ZZZ3: variants seen among roughly 807,000 people sequenced by gnomAD.
ZZZ3 encodes zinc finger ZZ-type containing 3.
In ZZZ3, 22 loss-of-function variants were observed where a neutral mutation model predicts 95.2. The ratio of observed to expected loss-of-function variants is 0.23; its 90% CI spans 0.17 to 0.33. The LOEUF (loss-of-function observed/expected upper bound fraction) is 0.33. ZZZ3 is among the 10% of genes least tolerant of loss of function. The pLI is 1.00. For missense variants in ZZZ3, 885 were observed against 1,066.5 expected, an observed-to-expected ratio of 0.83 and a Z score of 2.37; for synonymous variants, 335 against 358.9, an observed-to-expected ratio of 0.93 and a Z score of 0.75.
intron 1 of ZZZ3, among the ~76,000 whole-genome samples, chr1:77,667,305 T>C (rs559632901): frequency 1.3e-5 from 2 of 152,332 alleles, no homozygotes; most frequent in African/African-American, 4.8e-5. Context: ...AGCTCTAAAT[T>C]TCTTTAATGA....
At chr1:77,659,214 A>G (rs1423119140) in intron 1 of ZZZ3, among the ~76,000 whole-genome samples, 1 of 152,050 alleles carries the variant, frequency 6.6e-6, no homozygotes, top group Non-Finnish European at 1.5e-5. Context: ...ATCATACTTT[A>G]CATAGAAGAC....
At chr1:77,596,049 T>C (rs1664184161) in intron 5 of ZZZ3, among the ~76,000 whole-genome samples, 1 of 152,060 alleles carries the variant, frequency 6.6e-6, no homozygotes, top group South Asian at 2.1e-4. Context: ...ATTTCTGTTA[T>C]AACAAACAAT....
At chr1:77,682,560 C>T (rs1355999322) in intron 1 of ZZZ3, 25 bp downstream of exon 1, 1 of 152,380 alleles carries the variant, frequency 6.6e-6, no homozygotes, top group Non-Finnish European at 1.5e-5. Flanking sequence ...AGGCACTCGC[C>T]CCGGGCCCCT....
rs765623565 is a variant in ZZZ3 at position 77,578,882 on chromosome 1, GACAAGTCTCTTAACACAATGAGATGACAT to G, written c.2083-42_2083-14del. On this transcript the variant is annotated splice_polypyrimidine_tract_variant and intron_variant, in intron 10 of 14. Transcript: ENST00000370801. The stretch of plus-strand genomic sequence containing the variant: ...CTCGGCTGGCAACCTAAGGAAACAT[GACAAGTCTCTTAACACAATGAGATGACAT>G]ACAATACCTGAGTCGTTTTTAAAAA... The G allele has an allele frequency of 2.4e-4, 359 of 1,526,068 alleles. No homozygotes were observed. Among genetic ancestry groups the G allele is most frequent in the Non-Finnish European group, 3.0e-4 (343 of 1,138,752 alleles). 94.5% of individuals were successfully genotyped at this position (1,526,068 alleles called of 1,614,324 possible).
chr1:77,681,306 A>AG, intron 1 of ZZZ3, among the ~76,000 whole-genome samples: 1 of 152,286 alleles, frequency 6.6e-6, no homozygotes, highest in South Asian at 2.1e-4. Context: ...TATTATGTAT[A>AG]GGAAAAAAAA....
chr1:77,676,233 C>T (rs1244832118), intron 1 of ZZZ3, among the ~76,000 whole-genome samples: 1 of 152,116 alleles, frequency 6.6e-6, no homozygotes, highest in Non-Finnish European at 1.5e-5. Flanking sequence ...GGGGCGCAAT[C>T]TGGGCTCATT....
intron 1 of ZZZ3, among the ~76,000 whole-genome samples, chr1:77,647,293 C>G (rs1669370104): frequency 6.6e-6 from 1 of 152,098 alleles, no homozygotes; most frequent in South Asian, 2.1e-4. Context: ...CCAAGGCAGG[C>G]AGATCACTTG....
chr1:77,641,621 T>G lies in ZZZ3; in HGVS notation c.-368A>C. The G allele has an allele frequency of 2.5e-6, 1 of 398,196 alleles. No individual in the cohort carries two copies. Among genetic ancestry groups the G allele is most frequent in the Non-Finnish European group, 4.4e-6 (1 of 225,796 alleles). The allele number at this position is 398,196 out of a possible 1,614,324, so 24.7% of individuals were successfully genotyped here. A position where few individuals can be genotyped will look rare whatever the true frequency, so the allele number is the denominator to read the frequency against. ...TGTTACACTGAGACTTCAGGTATTA[T>G]TTATTTATATGGTTGTACTAGAATA... On this transcript the variant is annotated 5_prime_UTR_variant, in exon 2 of 15. Transcript: ENST00000370801.
Position 77,633,251 on chromosome 1 carries a change from T to C in ZZZ3, c.104A>G (p.His35Arg), listed in dbSNP as rs1667983417. Residue 35 changes from histidine (H) to arginine (R), a missense_variant, in exon 5 of 15, where the codon CAT becomes CGT. Physicochemically the swap from His to Arg is conservative, Grantham distance 29 (BLOSUM62 0). Around this residue, in one of 5 missense-constraint regions of ZZZ3, gnomAD observed 556 missense variants for 652.9 expected, o/e 0.85. Transcript: ENST00000370801. ...GRTLRNRSIA[H>R]PEEISSNSQV... ...AGAATTAGAAGAGATTTCTTCAGGATGCGCAATGCTACGATTCCTTAAAGT... is the reference window on the plus strand; with the variant it reads ...AGAATTAGAAGAGATTTCTTCAGGACGCGCAATGCTACGATTCCTTAAAGT... The C allele has an allele frequency of 6.2e-7, 1 of 1,614,028 alleles. No individual in the cohort carries two copies. Among genetic ancestry groups the C allele is most frequent in the Non-Finnish European group, 8.5e-7 (1 of 1,180,006 alleles).
At chr1:77,634,939 C>G (rs968330077) in intron 4 of ZZZ3, among the ~76,000 whole-genome samples, 1 of 152,110 alleles carries the variant, frequency 6.6e-6, no homozygotes, top group African/African-American at 2.4e-5. Context: ...GAGAAAGAGG[C>G]CAGTGGTGGC....
At chr1:77,566,049 AG>A in intron 14 of ZZZ3, 31 bp downstream of exon 14, 1 of 1,532,524 alleles carries the variant, frequency 6.5e-7, no homozygotes, top group Non-Finnish European at 9.0e-7. Flanking sequence ...TTCTTGTCTA[AG>A]TTGAAGACTG....
At chr1:77,665,790 C>G (rs1671190599) in intron 1 of ZZZ3, among the ~76,000 whole-genome samples, 1 of 151,974 alleles carries the variant, frequency 6.6e-6, no homozygotes, top group African/African-American at 2.4e-5. Flanking sequence ...TACCTGTAAT[C>G]CCAGCACTTT....
At chr1:77,663,961 G>A (rs573181160) in intron 1 of ZZZ3, among the ~76,000 whole-genome samples, 8 of 151,830 alleles carry the variant, frequency 5.3e-5, no homozygotes, top group African/African-American at 1.9e-4. Context: ...TATTGGTCAG[G>A]CTGGTCTCGA....
intron 1 of ZZZ3, among the ~76,000 whole-genome samples, chr1:77,673,596 C>A (rs569294338): frequency 6.6e-6 from 1 of 151,970 alleles, no homozygotes; most frequent in East Asian, 1.9e-4. Flanking sequence ...GACTGTGTCA[C>A]ACACACACAA....
intron 5 of ZZZ3, among the ~76,000 whole-genome samples, chr1:77,610,490 CCAGA>C (rs1268592345): frequency 1.3e-5 from 2 of 151,708 alleles, no homozygotes; most frequent in African/African-American, 4.8e-5. Context: ...GATACTCAAA[CCAGA>C]CAAAGACACG....
intron 5 of ZZZ3, among the ~76,000 whole-genome samples, chr1:77,601,591 C>A (rs1356114338): frequency 6.6e-6 from 1 of 152,094 alleles, no homozygotes; most frequent in Non-Finnish European, 1.5e-5. Flanking sequence ...AAGAATACAG[C>A]AAGGTCCCAA....
At chr1:77,655,091 G>C (rs1034828850) in intron 1 of ZZZ3, among the ~76,000 whole-genome samples, 1 of 152,162 alleles carries the variant, frequency 6.6e-6, no homozygotes, top group South Asian at 2.1e-4. Flanking sequence ...GGCTGAGCGT[G>C]CTAATGTGCT....
At chr1:77,661,401 A>G (rs1206696777) in intron 1 of ZZZ3, among the ~76,000 whole-genome samples, 1 of 152,156 alleles carries the variant, frequency 6.6e-6, no homozygotes, top group South Asian at 2.1e-4. Context: ...CAACAAGAGC[A>G]AAACTCCAAC....
At chr1:77,595,171 A>G (rs1462141106) in intron 5 of ZZZ3, among the ~76,000 whole-genome samples, 2 of 152,082 alleles carry the variant, frequency 1.3e-5, no homozygotes, top group East Asian at 3.8e-4. Context: ...AGAAGATGTG[A>G]CTGTGTGAAC....
Sources: gnomAD v4.1 joint callset for allele counts (sites outside exome capture counted in the v4.1 genomes callset) on GRCh38, gnomAD v4.1.1 for gene constraint, gnomAD v4.1.1 regional missense constraint, MANE v1.5 for transcripts, NCBI Gene and HGNC (gene_info 2026-07-23, HGNC 2026-07-21) for gene names.